VDAC1: variants seen among roughly 807,000 people sequenced by gnomAD.
The protein encoded by VDAC1 is non-selective voltage-gated ion channel VDAC1.
Under a neutral mutation model 34.7 loss-of-function variants are expected in VDAC1, and 10 were observed. That is an observed-to-expected ratio of 0.29 (90% CI 0.18 to 0.49). The LOEUF (loss-of-function observed/expected upper bound fraction) is 0.49. Ranked by LOEUF, VDAC1 falls within the 20% of genes least tolerant of loss-of-function variation. The pLI is 0.99. For synonymous variants in VDAC1, 130 were observed against 136.0 expected, an observed-to-expected ratio of 0.96 and a Z score of 0.30; for missense variants, 230 against 347.9, an observed-to-expected ratio of 0.66 and a Z score of 2.69.
chr5:134,022,134 C>T, the VDAC1 span, among the ~76,000 whole-genome samples: 14,594 of 152,222 alleles, frequency 0.096, 927 homozygotes, highest in South Asian at 0.21. Context: ...CTGTGTCAGC[C>T]TCCCAAAGTG....
the VDAC1 span, among the ~76,000 whole-genome samples, chr5:134,099,405 C>T: frequency 6.6e-6 from 1 of 152,122 alleles, no homozygotes; most frequent in Non-Finnish European, 1.5e-5. Flanking sequence ...CCCATGGGGT[C>T]CCTCTCACCC....
chr5:134,061,396 A>G, the VDAC1 span, among the ~76,000 whole-genome samples: 1 of 151,478 alleles, frequency 6.6e-6, no homozygotes, highest in Non-Finnish European at 1.5e-5. Flanking sequence ...TGTTTGGAAT[A>G]GGTCTCACTC....
At chr5:134,084,046 C>T in the VDAC1 span, among the ~76,000 whole-genome samples, 362 of 152,256 alleles carry the variant, frequency 2.4e-3, 2 homozygotes, top group African/African-American at 7.7e-3. Flanking sequence ...ATGCTATCAG[C>T]GGTATTTTTA....
the VDAC1 span, among the ~76,000 whole-genome samples, chr5:134,073,319 G>C: frequency 8.5e-5 from 13 of 152,184 alleles, no homozygotes; most frequent in Non-Finnish European, 1.9e-4. Context: ...CCTTAAACCA[G>C]GGGCATCGCA....
chr5:134,060,880 C>CTTCTTTTT, the VDAC1 span, among the ~76,000 whole-genome samples: 3 of 98,672 alleles, frequency 3.0e-5, no homozygotes, highest in African/African-American at 1.3e-4. Flanking sequence ...TCTTCTTCTT[C>CTTCTTTTT]TTTTTTTTTT....
chr5:134,066,212 C>T, the VDAC1 span, among the ~76,000 whole-genome samples: 1 of 152,078 alleles, frequency 6.6e-6, no homozygotes, highest in Non-Finnish European at 1.5e-5. Context: ...CCATACTGAC[C>T]AGGCTGGTCT....
intron 5 of VDAC1, among the ~76,000 whole-genome samples, chr5:133,987,550 C>T (rs1479601378): frequency 1.3e-5 from 2 of 151,972 alleles, no homozygotes; most frequent in African/African-American, 4.8e-5. Context: ...TGGTGGCACA[C>T]GCCTGTGGTC....
the VDAC1 span, among the ~76,000 whole-genome samples, chr5:134,106,203 T>C: frequency 6.6e-6 from 1 of 152,200 alleles, no homozygotes; most frequent in Non-Finnish European, 1.5e-5. Context: ...CTTTCCCTAA[T>C]AATAGTCATT....
chr5:134,042,758 G>T, the VDAC1 span, among the ~76,000 whole-genome samples: 3 of 152,218 alleles, frequency 2.0e-5, no homozygotes, highest in Non-Finnish European at 2.9e-5. Flanking sequence ...AAGTGCTGGG[G>T]ATTACAGGCG....
the VDAC1 span, among the ~76,000 whole-genome samples, chr5:134,112,094 C>T: frequency 1.3e-5 from 2 of 152,116 alleles, no homozygotes; most frequent in Non-Finnish European, 2.9e-5. Flanking sequence ...CCTGTGGGGC[C>T]GCACCAACTT....
chr5:133,993,031 A>G lies in VDAC1; in HGVS notation c.-6-13T>C. 1.2e-6 allele frequency: 2 copies of G among 1,604,844 alleles called. No individual in the cohort carries two copies. Among genetic ancestry groups the G allele is most frequent in the African/African-American group, 2.7e-5 (2 of 74,714 alleles). ...CAGCCATCTTCTGCTATGATAAAAGAATCACCAGAATAAATGCATTGATAA... is the reference window on the plus strand; with the variant it reads ...CAGCCATCTTCTGCTATGATAAAAGGATCACCAGAATAAATGCATTGATAA... On this transcript the variant is annotated splice_polypyrimidine_tract_variant and intron_variant, in intron 1 of 8. Transcript: ENST00000265333.
At chr5:134,094,991 G>A in the VDAC1 span, among the ~76,000 whole-genome samples, 1 of 152,256 alleles carries the variant, frequency 6.6e-6, no homozygotes, top group Non-Finnish European at 1.5e-5. Context: ...CCATTTGGGA[G>A]CATCAGTTCC....
chr5:134,068,865 TC>T, the VDAC1 span, among the ~76,000 whole-genome samples: 1 of 152,168 alleles, frequency 6.6e-6, no homozygotes. Context: ...ATCTTGGTCT[TC>T]TTTTCTCATT....
intron 1 of VDAC1, chr5:134,004,471 C>G (rs1344266340): frequency 6.6e-6 from 1 of 152,488 alleles, no homozygotes; most frequent in Non-Finnish European, 1.5e-5. Context: ...GCGGCCTTCT[C>G]TGCCCGCCCG....
chr5:134,070,148 T>G, the VDAC1 span, among the ~76,000 whole-genome samples: 3 of 152,184 alleles, frequency 2.0e-5, no homozygotes, highest in African/African-American at 7.2e-5. Flanking sequence ...CTTTACTTTC[T>G]TATTTTTTTT....
the VDAC1 span, among the ~76,000 whole-genome samples, chr5:134,108,567 T>A: frequency 3.7e-3 from 568 of 152,244 alleles, 2 homozygotes; most frequent in African/African-American, 0.013. Flanking sequence ...GGGTGAGCTT[T>A]CCTCGGGGCA....
intron 5 of VDAC1, chr5:133,989,331 T>A (rs183482146): frequency 6.6e-6 from 1 of 152,044 alleles, no homozygotes; most frequent in East Asian, 1.9e-4. Flanking sequence ...CACTTAAAGA[T>A]GTTAAGTTTT....
upstream of VDAC1, among the ~76,000 whole-genome samples, chr5:134,006,744 C>T (rs1358578626): frequency 8.8e-5 from 10 of 113,892 alleles, no homozygotes; most frequent in African/African-American, 3.4e-4. Flanking sequence ...TTGTCCCCCC[C>T]CCCCAAAAAA....
At chr5:134,044,503 C>G in the VDAC1 span, among the ~76,000 whole-genome samples, 1 of 152,224 alleles carries the variant, frequency 6.6e-6, no homozygotes, top group South Asian at 2.1e-4. Context: ...GCTGGCATTT[C>G]AGTTCCCTCA....
Sources: gnomAD v4.1 joint callset for allele counts (sites outside exome capture counted in the v4.1 genomes callset) on GRCh38, gnomAD v4.1.1 for gene constraint, MANE v1.5 for transcripts, NCBI Gene and HGNC (gene_info 2026-07-23, HGNC 2026-07-21) for gene names.